SULT1C3: variants seen among roughly 807,000 people sequenced by gnomAD.
SULT1C3 encodes sulfotransferase family 1C member 3.
In SULT1C3, 31 loss-of-function variants were observed where a neutral mutation model predicts 28.4. That is an observed-to-expected ratio of 1.09 (90% CI 0.82 to 1.47). The LOEUF is 1.47. SULT1C3 is among the 40% of genes most tolerant of loss of function. The pLI is 0.00. For missense variants in SULT1C3, 307 were observed against 272.5 expected (o/e 1.13, Z -0.89); for synonymous variants, 106 against 92.2 (o/e 1.15, Z -0.86).
intron 2 of SULT1C3, 93 bp from the exon 3 acceptor site, chr2:108,252,272 G>T: frequency 2.4e-6 from 3 of 1,228,722 alleles, no homozygotes; most frequent in Non-Finnish European, 3.4e-6. Flanking sequence ...ATTTTAAAGT[G>T]CTCTCATGTT....
intron 1 of SULT1C3, among the ~76,000 whole-genome samples, chr2:108,245,229 C>T (rs1197720010): frequency 6.6e-6 from 1 of 152,116 alleles, no homozygotes; most frequent in East Asian, 1.9e-4. Context: ...GGGCCTTAGT[C>T]ATACTGTCCA....
chr2:108,264,822 C>T (rs1456940750), downstream of SULT1C3: 1 of 1,604,318 alleles, frequency 6.2e-7, no homozygotes, highest in Non-Finnish European at 8.5e-7. Context: ...GTTCCACATA[C>T]AGGACCCAAA....
rs1031452244 is a variant in SULT1C3, at chr2:108,254,602, A to G, written c.400-970A>G. Among the ~76,000 whole-genome samples, 5 of 151,706 alleles carry G rather than the reference A, an allele frequency of 3.3e-5. No homozygotes were observed. The East Asian group carries it at 5.8e-4, about 18-fold the overall frequency. On this transcript the variant is annotated intron_variant, in intron 4 of 7. Transcript: ENST00000681802. The stretch of plus-strand genomic sequence containing the variant: ...TGTCTGGCACGTAGGAAGAGTTAAC[A>G]TCTCTGTTCTGCATTTGTTGACTGA...
chr2:108,264,694 C>A, downstream of SULT1C3: 1 of 936,188 alleles, frequency 1.1e-6, no homozygotes, highest in Non-Finnish European at 1.6e-6. Context: ...CTAGGAGTCA[C>A]TTGAGAAATA....
Position 108,252,420 on chromosome 2 carries a change from G to C in SULT1C3, c.228G>C (p.Glu76Asp), listed in dbSNP as rs760956415. Reference sequence around the variant, plus strand: ...TGATTCTAAATGATGGTGATGTGGAGAAATGCAAAAGAGCCCAGACTCTAG... The same window carrying C: ...TGATTCTAAATGATGGTGATGTGGACAAATGCAAAAGAGCCCAGACTCTAG... The part of the protein sequence containing the change: ...LDMILNDGDV[E>D]KCKRAQTLDR... The change falls in exon 3 of 8, where the codon GAG becomes GAC. Residue 76 changes from glutamate (E) to aspartate (D), a missense_variant. Glu to Asp is a conservative substitution (Grantham distance 45, BLOSUM62 2). Coordinates refer to ENST00000681802, the MANE Select transcript of SULT1C3 (RefSeq NM_001320878.2). 61 of 1,612,268 alleles carry C rather than the reference G, an allele frequency of 3.8e-5. No individual in the cohort carries two copies. The Admixed American group carries it at 1.0e-3, about 27-fold the overall frequency.
At chr2:108,251,624 A>C (rs1476533599) in intron 2 of SULT1C3, among the ~76,000 whole-genome samples, 1 of 152,048 alleles carries the variant, frequency 6.6e-6, no homozygotes, top group Non-Finnish European at 1.5e-5. Context: ...GAGGAACAAA[A>C]ATGTACTGTG....
Position 108,253,379 on chromosome 2 carries a change from A to G in SULT1C3, c.336A>G (p.Gln112=). 6.3e-7 allele frequency: 1 copy of G among 1,582,612 alleles called. No individual in the cohort carries two copies. Among genetic ancestry groups the G allele is most frequent in the East Asian group, 2.3e-5 (1 of 44,398 alleles). ...TCGTTCTTGAAATGTCCTCACCACA[A>G]CTGATAAAAACACATCTCCCTTCAC... The part of the protein sequence containing the change: ...LEFVLEMSSP[Q]LIKTHLPSHL... Residue 112 remains glutamine (Q), a synonymous_variant, in exon 4 of 8, where the codon CAA becomes CAG. Transcript: ENST00000681802.
At chr2:108,249,042 C>T (rs1211067503) in intron 2 of SULT1C3, among the ~76,000 whole-genome samples, 1 of 152,126 alleles carries the variant, frequency 6.6e-6, no homozygotes, top group Non-Finnish European at 1.5e-5. Flanking sequence ...ACTACAGCCA[C>T]AAGCAACTGA....
In SULT1C3 at chr2:108,259,081, T is replaced by C. The variant is rs1239995520; in HGVS notation, c.737T>C (p.Met246Thr). ...TTTGATGTAATGAAGGATAATCCCA[T>C]GGCCAACCATACTGCGGTACCTGCT... ...TSFDVMKDNP[M>T]ANHTAVPAHI... The change falls in exon 7 of 8, where the codon ATG becomes ACG. Residue 246 changes from methionine (M) to threonine (T), a missense_variant. By Grantham distance (81) the Met-to-Thr change is moderately conservative. Coordinates refer to ENST00000681802, the MANE Select transcript of SULT1C3 (RefSeq NM_001320878.2). 1.7e-5 allele frequency: 11 copies of C among 632,208 alleles called. No homozygotes were observed. The East Asian group carries it at 3.6e-4, about 21-fold the overall frequency. 39.2% of individuals were successfully genotyped at this position (632,208 alleles called of 1,614,324 possible).
rs1218430621 is a variant in SULT1C3, at chr2:108,258,764, A to T, written c.557A>T (p.Lys186Ile). The T allele has an allele frequency of 1.9e-6, 3 of 1,612,772 alleles. No homozygotes were observed. The highest frequency in any genetic ancestry group is 2.5e-6 in the Non-Finnish European group (3 of 1,179,330). Residue 186 changes from lysine (K) to isoleucine (I), a missense_variant, in exon 6 of 8, where the codon AAA becomes ATA. By Grantham distance (102) the Lys-to-Ile change is moderately radical. Coordinates refer to ENST00000681802, the MANE Select transcript of SULT1C3 (RefSeq NM_001320878.2). Reference sequence around the variant, plus strand: ...GGCGGGTCCTGGTTTGACCATGTGAAAGGATGGTGGGCTGCAAAAGACATG... The same window carrying T: ...GGCGGGTCCTGGTTTGACCATGTGATAGGATGGTGGGCTGCAAAAGACATG... ...VVGGSWFDHV[K>I]GWWAAKDMHR...
downstream of SULT1C3, chr2:108,265,026 A>C: frequency 6.3e-7 from 1 of 1,588,216 alleles, no homozygotes; most frequent in Non-Finnish European, 8.6e-7. Flanking sequence ...TTTGTAGTCT[A>C]AGATGTCAAA....
intron 5 of SULT1C3, among the ~76,000 whole-genome samples, chr2:108,257,016 C>T (rs1009662081): frequency 2.6e-5 from 4 of 151,992 alleles, no homozygotes; most frequent in African/African-American, 9.7e-5. Context: ...CCAAGGCCTA[C>T]ATTTTGTTAC....
intron 1 of SULT1C3, among the ~76,000 whole-genome samples, chr2:108,243,672 A>G (rs1040873234): frequency 2.6e-5 from 4 of 152,058 alleles, no homozygotes; most frequent in African/African-American, 9.7e-5. Context: ...GCCTGGGAAC[A>G]AGACCAAAAA....
chr2:108,251,082 T>C (rs1024922832), intron 2 of SULT1C3, among the ~76,000 whole-genome samples: 2 of 152,060 alleles, frequency 1.3e-5, no homozygotes, highest in African/African-American at 4.8e-5. Flanking sequence ...TGATGAAAAA[T>C]ACAAAAAGAA....
downstream of SULT1C3, among the ~76,000 whole-genome samples, chr2:108,263,331 A>G (rs1676064767): frequency 6.6e-6 from 1 of 152,194 alleles, no homozygotes; most frequent in African/African-American, 2.4e-5. Flanking sequence ...CAGCCTTTGC[A>G]TAAGGGCACT....
intron 1 of SULT1C3, among the ~76,000 whole-genome samples, chr2:108,241,633 A>C (rs550193393): frequency 6.6e-6 from 1 of 152,222 alleles, no homozygotes; most frequent in Non-Finnish European, 1.5e-5. Flanking sequence ...GTTACAGTTA[A>C]AAACATGACT....
chr2:108,261,447 C>T (rs1428783205), downstream of SULT1C3, among the ~76,000 whole-genome samples: 1 of 152,092 alleles, frequency 6.6e-6, no homozygotes, highest in Non-Finnish European at 1.5e-5. Context: ...TCTGTTGCAT[C>T]ACTCTAACAA....
At chr2:108,247,798 G>A (rs1675625364) in intron 2 of SULT1C3, among the ~76,000 whole-genome samples, 1 of 152,156 alleles carries the variant, frequency 6.6e-6, no homozygotes, top group Non-Finnish European at 1.5e-5. Flanking sequence ...TGTCAGCCAT[G>A]AATTTTCTGC....
chr2:108,257,458 A>G (rs1040702556), intron 5 of SULT1C3, among the ~76,000 whole-genome samples: 1 of 152,060 alleles, frequency 6.6e-6, no homozygotes, highest in Non-Finnish European at 1.5e-5. Flanking sequence ...CATTTATATT[A>G]TGCATATATA....
Sources: gnomAD v4.1 joint callset for allele counts (sites outside exome capture counted in the v4.1 genomes callset) on GRCh38, gnomAD v4.1.1 for gene constraint, MANE v1.5 for transcripts, NCBI Gene and HGNC (gene_info 2026-07-23, HGNC 2026-07-21) for gene names.